CXADR: variants seen among roughly 807,000 people sequenced by gnomAD.
CXADR encodes the protein CXADR cell adhesion molecule.
CXADR carries 20 observed loss-of-function variants against 40.3 expected under a neutral mutation model. The observed-to-expected ratio is 0.50, with a 90% confidence interval of 0.35 to 0.72. The LOEUF (loss-of-function observed/expected upper bound fraction) is 0.72, where lower values mean the gene tolerates loss of function less well. Ranked by LOEUF, CXADR falls within the 30% of genes least tolerant of loss-of-function variation. The pLI, the probability that CXADR is intolerant of heterozygous loss-of-function variation, is 0.01. For missense variants in CXADR, 332 were observed against 449.1 expected (o/e 0.74, Z 2.36); for synonymous variants, 150 against 161.3 (o/e 0.93, Z 0.53).
At chr21:17,606,268 C>T in the CXADR span, among the ~76,000 whole-genome samples, 377 of 152,238 alleles carry the variant, frequency 2.5e-3, no homozygotes, top group Middle Eastern at 0.017. Flanking sequence ...CAACATTACA[C>T]AGCTACTAAG....
chr21:17,600,867 A>T, the CXADR span, among the ~76,000 whole-genome samples: 2 of 152,044 alleles, frequency 1.3e-5, no homozygotes, highest in East Asian at 3.9e-4. Flanking sequence ...TTTACCTCAT[A>T]AAAGTTGCTA....
At chr21:17,589,150 A>C (rs1032235196) in intron 7 of CXADR, among the ~76,000 whole-genome samples, 1 of 151,946 alleles carries the variant, frequency 6.6e-6, no homozygotes, top group Non-Finnish European at 1.5e-5. Context: ...GAATATTATC[A>C]TATTATATAT....
intron 7 of CXADR, among the ~76,000 whole-genome samples, chr21:17,591,298 A>G (rs1355943208): frequency 8.5e-5 from 13 of 152,072 alleles, no homozygotes; most frequent in Non-Finnish European, 1.9e-4. Flanking sequence ...GGCTGTGATG[A>G]TTAAATAAGT....
At chr21:17,625,042 TG>T in the CXADR span, among the ~76,000 whole-genome samples, 1 of 152,160 alleles carries the variant, frequency 6.6e-6, no homozygotes, top group Non-Finnish European at 1.5e-5. Flanking sequence ...CTAAGACCTT[TG>T]GGAGCAGAAA....
downstream of CXADR, among the ~76,000 whole-genome samples, chr21:17,572,020 T>C (rs548169840): frequency 6.6e-6 from 1 of 152,168 alleles, no homozygotes; most frequent in African/African-American, 2.4e-5. Context: ...ATGTGTTCAT[T>C]AAATATGCAT....
At chr21:17,524,524 C>G (rs528973796) in intron 1 of CXADR, among the ~76,000 whole-genome samples, 1 of 131,014 alleles carries the variant, frequency 7.6e-6, no homozygotes, top group South Asian at 2.5e-4. Context: ...TGCAGTGAGC[C>G]GAGATCATGC....
the CXADR span, among the ~76,000 whole-genome samples, chr21:17,629,471 C>T: frequency 2.0e-5 from 3 of 150,824 alleles, no homozygotes; most frequent in South Asian, 2.1e-4. Flanking sequence ...AGGCTGATGT[C>T]GGAGGATTAC....
intron 1 of CXADR, 114 bp downstream of exon 1, chr21:17,513,286 C>A: frequency 9.7e-7 from 1 of 1,030,170 alleles, no homozygotes; most frequent in Non-Finnish European, 1.3e-6. Flanking sequence ...TTTGGGGGCG[C>A]TGCTGCAGGG....
At chr21:17,585,307 AG>A (rs1249504518) in intron 7 of CXADR, among the ~76,000 whole-genome samples, 1 of 152,206 alleles carries the variant, frequency 6.6e-6, no homozygotes, top group African/African-American at 2.4e-5. Context: ...CATACATATG[AG>A]TACCATGAAA....
At chr21:17,527,573 G>C (rs185257373) in intron 1 of CXADR, among the ~76,000 whole-genome samples, 6 of 152,272 alleles carry the variant, frequency 3.9e-5, no homozygotes, top group Non-Finnish European at 5.9e-5. Flanking sequence ...AATCCAGAGG[G>C]AGGAGTCAGA....
chr21:17,537,431 C>T (rs1252926258), intron 1 of CXADR, among the ~76,000 whole-genome samples: 2 of 152,216 alleles, frequency 1.3e-5, no homozygotes, highest in African/African-American at 4.8e-5. Context: ...GGCATCCAGA[C>T]TTGCCTGATT....
At chr21:17,563,487 T>C (rs2061152778) in intron 6 of CXADR, among the ~76,000 whole-genome samples, 1 of 152,086 alleles carries the variant, frequency 6.6e-6, no homozygotes, top group South Asian at 2.1e-4. Context: ...TTGCTGTCTC[T>C]TATGGGCATC....
At chr21:17,587,617 T>C (rs2061407023) in intron 7 of CXADR, among the ~76,000 whole-genome samples, 1 of 152,232 alleles carries the variant, frequency 6.6e-6, no homozygotes. Flanking sequence ...TTGGAGTTCA[T>C]TGTAGATTCT....
At chr21:17,548,507 G>A (rs1200218858) in intron 2 of CXADR, among the ~76,000 whole-genome samples, 1 of 152,148 alleles carries the variant, frequency 6.6e-6, no homozygotes, top group East Asian at 1.9e-4. Flanking sequence ...TCTCTCTCTG[G>A]AGGTGCTGGC....
Position 17,578,288 on chromosome 21 carries a change from C to T in CXADR, c.1017+12677C>T, listed in dbSNP as rs374486934. ...TCTCCACATTTTCACCAGCACTTAC[C>T]TTTGGTTTGTTTTTGTCTGTTTGTT... On this transcript the variant is annotated intron_variant, in intron 7 of 7. Transcript: ENST00000400169. Among the ~76,000 whole-genome samples the T allele has an allele frequency of 7.9e-4, 120 of 152,252 alleles. 1 individual carries two copies. The highest frequency in any genetic ancestry group is 2.8e-3 in the African/African-American group (117 of 41,532).
intron 1 of CXADR, among the ~76,000 whole-genome samples, chr21:17,514,271 T>C (rs1470981349): frequency 1.3e-5 from 2 of 152,122 alleles, no homozygotes; most frequent in Admixed American, 6.6e-5. Flanking sequence ...GGCTCTCTGC[T>C]TCCTGTTGAA....
chr21:17,535,459 G>A (rs928681216), intron 1 of CXADR, among the ~76,000 whole-genome samples: 2 of 151,932 alleles, frequency 1.3e-5, no homozygotes, highest in Non-Finnish European at 1.5e-5. Flanking sequence ...CAGCGCCTCC[G>A]AAAGTGCTGG....
At chr21:17,579,114 A>T (rs2061341803) in intron 7 of CXADR, among the ~76,000 whole-genome samples, 1 of 152,176 alleles carries the variant, frequency 6.6e-6, no homozygotes, top group African/African-American at 2.4e-5. Flanking sequence ...TTAAGATAGG[A>T]GAGATGCAAG....
chr21:17,553,628 T>C (rs924485481), intron 3 of CXADR, among the ~76,000 whole-genome samples: 12 of 151,170 alleles, frequency 7.9e-5, no homozygotes, highest in African/African-American at 2.9e-4. Flanking sequence ...TTTTTTTTTT[T>C]TTTTTCTTTT....
Sources: allele counts gnomAD v4.1 joint callset (sites outside exome capture counted in the v4.1 genomes callset), GRCh38; gene constraint gnomAD v4.1.1; transcripts MANE v1.5; gene names NCBI Gene and HGNC (gene_info 2026-07-23, HGNC 2026-07-21).